Variants in CAMTA2 observed in about 807,000 individuals in gnomAD.
CAMTA2 encodes calmodulin binding transcription activator 2.
CAMTA2 carries 56 observed loss-of-function variants against 135.7 expected under a neutral mutation model. The observed-to-expected ratio is 0.41, with a 90% CI of 0.33 to 0.52. The LOEUF is 0.52. Ranked by LOEUF, CAMTA2 falls within the 20% of genes least tolerant of loss-of-function variation. The pLI is 0.16. For synonymous variants in CAMTA2, 591 were observed against 604.6 expected (o/e 0.98, Z 0.33); for missense variants, 1,358 against 1,553.4 (o/e 0.87, Z 2.11).
chr17:4,980,021 GCTA>G lies in CAMTA2; in HGVS notation c.1298_1300del (p.Val433del), dbSNP rs772383912. On this transcript the variant is annotated inframe_deletion, in exon 9 of 23. Coordinates refer to ENST00000348066, the MANE Select transcript of CAMTA2 (RefSeq NM_015099.4). The surrounding 1 kb of genome is among the most constrained non-coding windows in gnomAD (Gnocchi z 5.3). ...GAAGCAGTTTCCTCTTCTCCCACCT[GCTA>G]CTGACTGTGGTGGGGGACCCCGAGC... 87 of 1,613,614 alleles carry G rather than the reference GCTA, an allele frequency of 5.4e-5. No individual in the cohort carries two copies. The African/African-American group carries it at 1.1e-3, about 20-fold the overall frequency.
chr17:4,975,812 C>T (rs1245312394), intron 11 of CAMTA2, among the ~76,000 whole-genome samples: 5 of 152,120 alleles, frequency 3.3e-5, no homozygotes, highest in Admixed American at 3.3e-4. Flanking sequence ...CTTGAGAAAG[C>T]AGAAAGCAGC....
rs1972113414 is a variant in CAMTA2 at position 4,969,350 on chromosome 17, G to A, written c.3283-13C>T. 6.2e-7 allele frequency: 1 copy of A among 1,613,500 alleles called. No individual in the cohort carries two copies. The highest frequency in any genetic ancestry group is 1.1e-5 in the South Asian group (1 of 91,066). ...TATAGAGTGCAAACTGCAGGGGTGG[G>A]GAGGAGGGACAGGGGCTGAAATAGA... is the stretch of plus-strand genomic sequence containing the variant. On this transcript the variant is annotated splice_polypyrimidine_tract_variant and intron_variant, in intron 20 of 22. Transcript: ENST00000348066. This position sits in a 1 kb window ranked among gnomAD's most constrained non-coding sequence, Gnocchi z 5.6.
rs1386729353 is a variant in CAMTA2 at position 4,972,507 on chromosome 17, G to A, written c.2533C>T (p.Leu845=). The A allele has an allele frequency of 1.9e-6, 3 of 1,608,954 alleles. No homozygotes were observed. Among genetic ancestry groups the A allele is most frequent in the African/African-American group, 2.7e-5 (2 of 74,902 alleles). ...GTGACGGAAAAGGTGCCATCCGACA[G>A]CTCCGAGGGCGAGGAGACGCTGCTC... is the stretch of plus-strand genomic sequence containing the variant. ...GLSSVSSPSE[L]SDGTFSVTSA... Residue 845 remains leucine (L), a synonymous_variant, in exon 16 of 23, where the codon CTG becomes TTG. Coordinates refer to ENST00000348066, the MANE Select transcript of CAMTA2 (RefSeq NM_015099.4).
At chr17:4,978,241 C>T (rs1972737761) in intron 10 of CAMTA2, among the ~76,000 whole-genome samples, 1 of 152,206 alleles carries the variant, frequency 6.6e-6, no homozygotes, top group Non-Finnish European at 1.5e-5. Context: ...AGGCCAAGGA[C>T]CTCAGGAAGG....
rs150340960 is a variant in CAMTA2, at chr17:4,981,292, C to G, written c.633G>C (p.Gln211His). 54 of 1,614,042 alleles carry G rather than the reference C, an allele frequency of 3.3e-5. No homozygotes were observed. The African/African-American group carries it at 6.5e-4, about 20-fold the overall frequency. ...EEFSVEHLVQ[Q>H]ILDTHPTKPA... is the part of the protein sequence containing the mutation. ...GCTTGGTTGGGTGGGTGTCCAAAAT[C>G]TGCTGCACCAGGTGTTCTACAGAGA... Residue 211 changes from glutamine (Q) to histidine (H), a missense_variant, in exon 8 of 23, where the codon CAG becomes CAC. Physicochemically the swap from Gln to His is conservative, Grantham distance 24 (BLOSUM62 0). This residue lies in a region of CAMTA2 where 1,077 missense variants were observed against 1,127.5 expected (regional missense o/e 0.96). Coordinates refer to ENST00000348066, the MANE Select transcript of CAMTA2 (RefSeq NM_015099.4).
chr17:4,968,158 T>C lies in CAMTA2; in HGVS notation c.*598A>G. On this transcript the variant is annotated 3_prime_UTR_variant, in exon 23 of 23. Transcript: ENST00000348066. ...TAAATAGATTCTTCACTATACTCTG[T>C]ATGTTACAGTATGTACAAGACCCCT... 1 of 337,914 alleles carries C rather than the reference T, an allele frequency of 3.0e-6. No homozygotes were observed. Among genetic ancestry groups the C allele is most frequent in the South Asian group, 3.4e-5 (1 of 29,620 alleles). 20.9% of individuals were successfully genotyped at this position (337,914 alleles called of 1,614,324 possible). A position where few individuals can be genotyped will look rare whatever the true frequency, so the allele number is the denominator to read the frequency against.
rs1972391080 is a variant in CAMTA2, at chr17:4,972,896, C to T, written c.2376G>A (p.Leu792=). Residue 792 remains leucine (L), a synonymous_variant, in exon 15 of 23, where the codon CTG becomes CTA. Coordinates refer to ENST00000348066, the MANE Select transcript of CAMTA2 (RefSeq NM_015099.4). The part of the protein sequence containing the change: ...ALSIPDSLGR[L]PLSVAHSRGH... The stretch of plus-strand genomic sequence containing the variant: ...CCCGGGAATGAGCCACAGACAATGG[C>T]AGACGGCCCAGAGAGTCGGGAATGC... 1.2e-6 allele frequency: 2 copies of T among 1,613,784 alleles called. No homozygotes were observed. The highest frequency in any genetic ancestry group is 3.3e-5 in the Admixed American group (2 of 60,008).
At chr17:4,981,545 C>T in intron 7 of CAMTA2, 133 bp downstream of exon 7, 1 of 1,286,110 alleles carries the variant, frequency 7.8e-7, no homozygotes, top group Non-Finnish European at 1.1e-6. Context: ...TGAGAACACA[C>T]CGGGAATCCT....
rs536535114 is a variant in CAMTA2 at position 4,987,644 on chromosome 17, A to ACCC, written c.-119_-117dup. On this transcript the variant is annotated 5_prime_UTR_variant, in exon 1 of 23. Coordinates refer to ENST00000348066, the MANE Select transcript of CAMTA2 (RefSeq NM_015099.4). ...GCAGCGGCCATTCTACCCCACACCGACCCCCCCCAGCGCCGGCTGACAGCG... is the reference window on the plus strand; with the variant it reads ...GCAGCGGCCATTCTACCCCACACCGACCCCCCCCCCCAGCGCCGGCTGACAGCG... 1,079 of 1,501,120 alleles carry ACCC rather than the reference A, an allele frequency of 7.2e-4. 2 individuals are homozygous for ACCC. The highest frequency in any genetic ancestry group is 3.8e-3 in the African/African-American group (265 of 69,512). 93.0% of individuals were successfully genotyped at this position (1,501,120 alleles called of 1,614,324 possible).
chr17:4,974,346 G>C (rs757077725), intron 12 of CAMTA2, 39 bp downstream of exon 12: 1 of 1,301,274 alleles, frequency 7.7e-7, no homozygotes, highest in East Asian at 2.3e-5. Context: ...TCCTCCCCCT[G>C]CTCCCCACCG....
At chr17:4,981,913 G>A in intron 6 of CAMTA2, 82 bp from the exon 7 acceptor site, 1 of 1,432,900 alleles carries the variant, frequency 7.0e-7, no homozygotes, top group Non-Finnish European at 9.5e-7. Flanking sequence ...TTCTTCCTGG[G>A]CACCCTCCTA....
At position 4,973,251 on chromosome 17, in the gene CAMTA2, C is replaced by T. The variant is rs770757681; in HGVS notation, c.2204G>A (p.Ser735Asn). Residue 735 changes from serine to asparagine, a missense_variant and splice_region_variant, in exon 14 of 23, where the codon AGT becomes AAT. By Grantham distance (46) the Ser-to-Asn change is conservative (BLOSUM62 1). This residue lies in a region of CAMTA2 where 1,077 missense variants were observed against 1,127.5 expected (regional missense o/e 0.96). Coordinates refer to ENST00000348066, the MANE Select transcript of CAMTA2 (RefSeq NM_015099.4). Reference protein sequence around the residue: ...RLIETLSQWRSVETGSLDLEQ... With the variant: ...RLIETLSQWRNVETGSLDLEQ... ...TAAGTCCAAGCTTCCAGTCTCCACACTCCTGGAGGGTTTGGGAGAGAGACA... is the reference window on the plus strand; with the variant it reads ...TAAGTCCAAGCTTCCAGTCTCCACATTCCTGGAGGGTTTGGGAGAGAGACA... 4 of 1,612,292 alleles carry T rather than the reference C, an allele frequency of 2.5e-6. No homozygotes were observed. The highest frequency in any genetic ancestry group is 4.5e-5 in the East Asian group (2 of 44,888).
Position 4,980,443 on chromosome 17 carries a change from G to A in CAMTA2, c.879C>T (p.Ser293=), listed in dbSNP as rs1349630109. ...CAAAACCTGATGAGGAGGAAGAAGAGGAAGAAGATGGGGAGGTGTGTGCCT... is the reference window on the plus strand; with the variant it reads ...CAAAACCTGATGAGGAGGAAGAAGAAGAAGAAGATGGGGAGGTGTGTGCCT... ...LPKAHTSPSS[S]SSSSSSGFAE... Residue 293 remains serine (S), a synonymous_variant, in exon 9 of 23, where the codon TCC becomes TCT. Coordinates refer to ENST00000348066, the MANE Select transcript of CAMTA2 (RefSeq NM_015099.4). The surrounding 1 kb of genome is among the most constrained non-coding windows in gnomAD (Gnocchi z 5.3). 5.6e-6 allele frequency: 9 copies of A among 1,613,680 alleles called. No homozygotes were observed. The highest frequency in any genetic ancestry group is 7.6e-6 in the Non-Finnish European group (9 of 1,179,878).
intron 10 of CAMTA2, 98 bp downstream of exon 10, chr17:4,978,406 C>A: frequency 7.5e-7 from 1 of 1,334,530 alleles, no homozygotes; most frequent in African/African-American, 1.4e-5. Context: ...CTCAAAACAA[C>A]CCATTTGTTC....
intron 3 of CAMTA2, among the ~76,000 whole-genome samples, chr17:4,985,300 G>A (rs1177538366): frequency 2.6e-5 from 4 of 152,392 alleles, no homozygotes; most frequent in African/African-American, 7.2e-5. Flanking sequence ...AGGATTAAAT[G>A]AGACAAGGCA....
chr17:4,981,989 CCTCA>C, intron 6 of CAMTA2, 96 bp downstream of exon 6: 3 of 1,284,484 alleles, frequency 2.3e-6, no homozygotes, highest in Non-Finnish European at 3.4e-6. Flanking sequence ...AGGCTCCTTT[CCTCA>C]CTCAGAACTC....
intron 11 of CAMTA2, among the ~76,000 whole-genome samples, chr17:4,975,337 A>G (rs1972548930): frequency 6.6e-6 from 1 of 152,100 alleles, no homozygotes; most frequent in South Asian, 2.1e-4. Context: ...CAAAAAAGAT[A>G]AAGTGAAGGA....
At chr17:4,972,658 C>T (rs1389159361) in intron 15 of CAMTA2, 111 bp downstream of exon 15, 3 of 1,426,034 alleles carry the variant, frequency 2.1e-6, no homozygotes, top group East Asian at 4.6e-5. Context: ...TCTCCCATCC[C>T]TGCCTCTGTG....
In CAMTA2 at chr17:4,970,022, G is replaced by C; in HGVS notation, c.3069C>G (p.Leu1023=). Residue 1023 remains leucine, a synonymous_variant, in exon 18 of 23, where the codon CTC becomes CTG. Coordinates refer to ENST00000348066, the MANE Select transcript of CAMTA2 (RefSeq NM_015099.4). ...CCATCTTGCCACTGGTGGATGCAGAGAGAAACTCTGCCCAGGAGGGTGCTG... is the reference window on the plus strand; with the variant it reads ...CCATCTTGCCACTGGTGGATGCAGACAGAAACTCTGCCCAGGAGGGTGCTG... ...VPSAPSWAEF[L]SASTSGKMES... 1 of 1,614,180 alleles carries C rather than the reference G, an allele frequency of 6.2e-7. No homozygotes were observed. The highest frequency in any genetic ancestry group is 8.5e-7 in the Non-Finnish European group (1 of 1,180,034).
Sources: allele counts gnomAD v4.1 joint callset (sites outside exome capture counted in the v4.1 genomes callset), GRCh38; gene constraint gnomAD v4.1.1; regional missense constraint gnomAD v4.1.1; non-coding constraint Gnocchi (gnomAD v3.1); transcripts MANE v1.5; gene names NCBI Gene and HGNC (gene_info 2026-07-23, HGNC 2026-07-21).